TENM2: variants seen among roughly 807,000 people sequenced by gnomAD.
TENM2 encodes teneurin-2.
A neutral mutation model predicts 245.2 loss-of-function variants in TENM2; 52 were observed. The ratio of observed to expected loss-of-function variants is 0.21; its 90% CI spans 0.17 to 0.27. The LOEUF (loss-of-function observed/expected upper bound fraction) is 0.27. Ranked by LOEUF, TENM2 falls within the 10% of genes least tolerant of loss-of-function variation. TENM2 has a pLI of 1.00. For missense variants in TENM2, 3,046 were observed against 3,666.8 expected (o/e 0.83, Z 4.37); for synonymous variants, 1,363 against 1,438.9 (o/e 0.95, Z 1.19).
At chr5:167,574,779 G>A (rs1445719694) in intron 2 of TENM2, among the ~76,000 whole-genome samples, 1 of 152,060 alleles carries the variant, frequency 6.6e-6, no homozygotes, top group African/African-American at 2.4e-5. Context: ...GTCTCGAGTC[G>A]GAACTTTGCA....
chr5:167,433,761 TAAACTC>T (rs1764381609), intron 2 of TENM2, among the ~76,000 whole-genome samples: 1 of 152,118 alleles, frequency 6.6e-6, no homozygotes, highest in African/African-American at 2.4e-5. Flanking sequence ...AAAATAATGA[TAAACTC>T]TAAGAAACAT....
intron 14 of TENM2, among the ~76,000 whole-genome samples, chr5:168,194,191 C>A (rs766480414): frequency 6.6e-6 from 1 of 152,206 alleles, no homozygotes; most frequent in Non-Finnish European, 1.5e-5. Flanking sequence ...GAGAACCTCT[C>A]TTCTTTTGCC....
At chr5:168,238,291 AAAGAAAAG>A (rs1765789763) in intron 25 of TENM2, among the ~76,000 whole-genome samples, 3 of 149,308 alleles carry the variant, frequency 2.0e-5, no homozygotes, top group African/African-American at 7.6e-5. Flanking sequence ...AAAGAAAAGA[AAAGAAAAG>A]AAAAAATCCC....
intron 2 of TENM2, among the ~76,000 whole-genome samples, chr5:167,859,383 G>A (rs1204253106): frequency 1.0e-4 from 15 of 145,756 alleles, no homozygotes; most frequent in East Asian, 4.2e-4. Flanking sequence ...GGAGGTGGGG[G>A]GGGTCAGCCC....
At chr5:167,768,862 C>T (rs901569416) in intron 2 of TENM2, among the ~76,000 whole-genome samples, 7 of 152,204 alleles carry the variant, frequency 4.6e-5, no homozygotes, top group African/African-American at 1.7e-4. Flanking sequence ...TTCTCAGCCT[C>T]TGTTCCCTGT....
At chr5:167,150,839 A>G in the TENM2 span, among the ~76,000 whole-genome samples, 4 of 152,380 alleles carry the variant, frequency 2.6e-5, no homozygotes, top group East Asian at 5.8e-4. Flanking sequence ...ATTATGTTCA[A>G]TATAATAAGC....
At chr5:167,621,623 G>T (rs538131142) in intron 2 of TENM2, among the ~76,000 whole-genome samples, 1 of 152,250 alleles carries the variant, frequency 6.6e-6, no homozygotes, top group East Asian at 1.9e-4. Flanking sequence ...GACACAAGTA[G>T]ACTCATGCAA....
At chr5:167,185,293 C>T in the TENM2 span, among the ~76,000 whole-genome samples, 2 of 152,084 alleles carry the variant, frequency 1.3e-5, no homozygotes, top group African/African-American at 4.8e-5. Context: ...CCTTCTGCAC[C>T]TTGAAACTAA....
chr5:167,463,708 C>T (rs1766470611), intron 2 of TENM2, among the ~76,000 whole-genome samples: 1 of 151,982 alleles, frequency 6.6e-6, no homozygotes, highest in African/African-American at 2.4e-5. Flanking sequence ...CATGGCCAGG[C>T]TTGTCTTGAA....
the TENM2 span, among the ~76,000 whole-genome samples, chr5:167,001,832 C>G: frequency 6.6e-6 from 1 of 150,524 alleles, no homozygotes; most frequent in African/African-American, 2.4e-5. Flanking sequence ...AGCTCCCTCT[C>G]TTTTTTTTTA....
At chr5:167,397,464 C>T (rs892408771) in intron 2 of TENM2, among the ~76,000 whole-genome samples, 1 of 151,838 alleles carries the variant, frequency 6.6e-6, no homozygotes, top group Non-Finnish European at 1.5e-5. Flanking sequence ...TATATGGACC[C>T]GTGATTGATA....
chr5:168,109,772 A>C (rs977526724), intron 9 of TENM2, among the ~76,000 whole-genome samples: 2 of 152,178 alleles, frequency 1.3e-5, no homozygotes, highest in African/African-American at 4.8e-5. Flanking sequence ...GCCCAAAGAG[A>C]ACAGAGATCG....
intron 2 of TENM2, among the ~76,000 whole-genome samples, chr5:167,672,214 A>C (rs1310658860): frequency 6.6e-6 from 1 of 152,052 alleles, no homozygotes; most frequent in Non-Finnish European, 1.5e-5. Context: ...AATTTTATAA[A>C]ATAACACACT....
At chr5:167,362,085 T>C (rs1241527645) in intron 1 of TENM2, among the ~76,000 whole-genome samples, 1 of 152,206 alleles carries the variant, frequency 6.6e-6, no homozygotes, top group Non-Finnish European at 1.5e-5. Flanking sequence ...AGCTGCCAGA[T>C]GCTAAGTGTA....
chr5:167,765,823 ATGT>A (rs1413462370), intron 2 of TENM2, among the ~76,000 whole-genome samples: 2 of 152,150 alleles, frequency 1.3e-5, no homozygotes, highest in South Asian at 4.1e-4. Flanking sequence ...GAACCGAGTG[ATGT>A]TGTCATGTTA....
chr5:167,008,782 G>A, the TENM2 span, among the ~76,000 whole-genome samples: 6 of 152,112 alleles, frequency 3.9e-5, no homozygotes, highest in Non-Finnish European at 7.4e-5. Context: ...GTGCCTGTGC[G>A]TTAGGTTTGC....
intron 2 of TENM2, among the ~76,000 whole-genome samples, chr5:167,604,829 G>C (rs1344907051): frequency 2.6e-5 from 4 of 151,862 alleles, no homozygotes; most frequent in Admixed American, 1.3e-4. Flanking sequence ...CTATTAAGTG[G>C]TATAAGGTGG....
At chr5:167,628,150 A>G (rs1257913294) in intron 2 of TENM2, among the ~76,000 whole-genome samples, 3 of 152,086 alleles carry the variant, frequency 2.0e-5, no homozygotes, top group African/African-American at 4.8e-5. Flanking sequence ...GCTCATGTGC[A>G]TTTATCTTCC....
In TENM2 at chr5:167,822,182, T is replaced by G. The variant is rs2151042643; in HGVS notation, c.503-53804T>G. Among the ~76,000 whole-genome samples the G allele has an allele frequency of 1.3e-5, 2 of 152,008 alleles. 1 individual carries two copies. Among genetic ancestry groups the G allele is most frequent in the South Asian group, 4.2e-4 (2 of 4,800 alleles). On this transcript the variant is annotated intron_variant, in intron 2 of 28. Coordinates refer to ENST00000518659, the Ensembl canonical transcript of TENM2. ...TGGGCTTGGGATTTGATTAAAAATGTAACACCCACGCCCTCTCGGTCACAT... is the reference window on the plus strand; with the variant it reads ...TGGGCTTGGGATTTGATTAAAAATGGAACACCCACGCCCTCTCGGTCACAT...
Sources: gnomAD v4.1 joint callset for allele counts (sites outside exome capture counted in the v4.1 genomes callset) on GRCh38, gnomAD v4.1.1 for gene constraint, MANE v1.5 for transcripts, NCBI Gene and HGNC (gene_info 2026-07-23, HGNC 2026-07-21) for gene names.